MCC: variants seen among roughly 807,000 people sequenced by gnomAD.
MCC encodes the protein colorectal mutant cancer protein.
MCC carries 90 observed loss-of-function variants against 116.2 expected under a neutral mutation model. The ratio of observed to expected loss-of-function variants is 0.77; its 90% CI spans 0.65 to 0.92. The LOEUF (loss-of-function observed/expected upper bound fraction) is 0.92, where lower values mean the gene tolerates loss of function less well. Ranked by LOEUF, MCC falls within the 40% of genes least tolerant of loss-of-function variation. The pLI is 0.00. For missense variants in MCC, 1,516 were observed against 1,312.2 expected, an observed-to-expected ratio of 1.16 and a Z score of -2.40; for synonymous variants, 578 against 510.5, an observed-to-expected ratio of 1.13 and a Z score of -1.78.
At chr5:113,245,016 GC>G (rs1488251277) in intron 3 of MCC, among the ~76,000 whole-genome samples, 2 of 152,216 alleles carry the variant, frequency 1.3e-5, no homozygotes, top group Non-Finnish European at 1.5e-5. Context: ...CATTCGGGTA[GC>G]TTTTGCTTCT....
At chr5:113,114,351 A>C (rs1232469016) in intron 6 of MCC, among the ~76,000 whole-genome samples, 1 of 152,230 alleles carries the variant, frequency 6.6e-6, no homozygotes, top group East Asian at 1.9e-4. Context: ...CAGTGCAGCC[A>C]CCAGAACTGG....
chr5:113,432,377 C>G (rs895447216), intron 1 of MCC, among the ~76,000 whole-genome samples: 1 of 150,740 alleles, frequency 6.6e-6, no homozygotes, highest in African/African-American at 2.4e-5. Context: ...AGTGTTGGCT[C>G]GGAGCTGGAG....
chr5:113,277,511 T>C (rs564591620), intron 3 of MCC, among the ~76,000 whole-genome samples: 11 of 152,340 alleles, frequency 7.2e-5, no homozygotes, highest in African/African-American at 2.4e-4. Context: ...TCCTGCCCTT[T>C]CTGTAAGGAG....
At chr5:113,125,019 G>A (rs1757963436) in intron 5 of MCC, among the ~76,000 whole-genome samples, 1 of 152,216 alleles carries the variant, frequency 6.6e-6, no homozygotes, top group Non-Finnish European at 1.5e-5. Context: ...AGGCTCAGAG[G>A]AGCTGGGAAC....
chr5:113,237,812 C>T (rs1764188539), intron 3 of MCC, among the ~76,000 whole-genome samples: 1 of 152,218 alleles, frequency 6.6e-6, no homozygotes, highest in Admixed American at 6.5e-5. Flanking sequence ...ATGCGACACA[C>T]TGCCGGTGAT....
chr5:113,391,244 G>A (rs1388784204), intron 1 of MCC, among the ~76,000 whole-genome samples: 1 of 152,186 alleles, frequency 6.6e-6, no homozygotes, highest in Admixed American at 6.6e-5. Flanking sequence ...GGATGATACA[G>A]GCGCTAGAAA....
At chr5:113,141,485 AC>A (rs1390505233) in intron 5 of MCC, among the ~76,000 whole-genome samples, 1 of 152,158 alleles carries the variant, frequency 6.6e-6, no homozygotes, top group South Asian at 2.1e-4. Flanking sequence ...TCTCTGGAGA[AC>A]CCTGAATAAT....
At chr5:113,147,087 T>C (rs995447685) in intron 4 of MCC, among the ~76,000 whole-genome samples, 1 of 152,250 alleles carries the variant, frequency 6.6e-6, no homozygotes, top group African/African-American at 2.4e-5. Context: ...GCTAAATACA[T>C]ACCCGGAGTT....
intron 3 of MCC, among the ~76,000 whole-genome samples, chr5:113,238,192 A>G (rs1449952492): frequency 6.6e-6 from 1 of 152,216 alleles, no homozygotes; most frequent in African/African-American, 2.4e-5. Context: ...TAGAGGCACC[A>G]CTGTTGAAAT....
intron 6 of MCC, among the ~76,000 whole-genome samples, chr5:113,115,866 A>G (rs1330700790): frequency 6.6e-6 from 1 of 152,222 alleles, no homozygotes; most frequent in Non-Finnish European, 1.5e-5. Context: ...GAGAAGGGAC[A>G]GCAACTGACA....
chr5:113,331,827 G>A (rs1767704736), intron 3 of MCC, among the ~76,000 whole-genome samples: 2 of 151,296 alleles, frequency 1.3e-5, no homozygotes, highest in South Asian at 4.2e-4. Context: ...TAGTAGAGAC[G>A]GGGTTTCACC....
intron 3 of MCC, among the ~76,000 whole-genome samples, chr5:113,179,887 A>T (rs1345764433): frequency 6.6e-6 from 1 of 152,222 alleles, no homozygotes; most frequent in Non-Finnish European, 1.5e-5. Context: ...TGTCTTCTCA[A>T]CCAGCTGCTA....
At chr5:113,029,572 G>T (rs1434802966) in intron 17 of MCC, among the ~76,000 whole-genome samples, 1 of 152,094 alleles carries the variant, frequency 6.6e-6, no homozygotes, top group African/African-American at 2.4e-5. Context: ...TCTCTTCATT[G>T]TAAGGGTCCT....
rs76099617 is a variant in MCC at position 113,198,049 on chromosome 5, A to G, written c.628-46627T>C. On this transcript the variant is annotated intron_variant, in intron 3 of 18. Coordinates refer to ENST00000408903, the MANE Select transcript of MCC (RefSeq NM_001085377.2). ...TGGTGGCCAGCCACGCTGTGAGCCT[A>G]TATAATTCAGTTAACAGGAAAGCTG... Among the ~76,000 whole-genome samples, 1,109 of 152,376 alleles carry G rather than the reference A, an allele frequency of 7.3e-3. 16 individuals are homozygous for G. The highest frequency in any genetic ancestry group is 0.025 in the African/African-American group (1,045 of 41,588).
chr5:113,234,761 A>C (rs1764069122), intron 3 of MCC: 1 of 152,226 alleles, frequency 6.6e-6, no homozygotes, highest in Non-Finnish European at 1.5e-5. Context: ...GCATAATACT[A>C]TACTTCTTCA....
At chr5:113,179,342 T>G (rs986136013) in intron 3 of MCC, among the ~76,000 whole-genome samples, 2 of 152,206 alleles carry the variant, frequency 1.3e-5, no homozygotes, top group Non-Finnish European at 2.9e-5. Flanking sequence ...ATTTGCAGCC[T>G]AGCACAGGGA....
intron 3 of MCC, among the ~76,000 whole-genome samples, chr5:113,170,708 T>C (rs969826190): frequency 2.0e-5 from 3 of 152,210 alleles, no homozygotes; most frequent in Non-Finnish European, 2.9e-5. Context: ...TACTTTATTA[T>C]GTTTGCCTCT....
chr5:113,269,642 C>T (rs77291498), intron 3 of MCC, among the ~76,000 whole-genome samples: 3,109 of 152,280 alleles, frequency 0.02, 34 homozygotes, highest in Middle Eastern at 0.027. Context: ...CTGGTTAATA[C>T]TGTTAATGAG....
At chr5:113,038,865 C>A (rs6594659) in intron 17 of MCC, among the ~76,000 whole-genome samples, 99,778 of 152,034 alleles carry the variant, frequency 0.66, 33,821 homozygotes, top group Non-Finnish European at 0.74. Flanking sequence ...CTGGACAGAA[C>A]GGCCACTGTG....
Sources: gnomAD v4.1 joint callset for allele counts (sites outside exome capture counted in the v4.1 genomes callset) on GRCh38, gnomAD v4.1.1 for gene constraint, MANE v1.5 for transcripts, NCBI Gene and HGNC (gene_info 2026-07-23, HGNC 2026-07-21) for gene names.